Variants in FGF1 observed in about 807,000 individuals in gnomAD.
FGF1 encodes the protein beta-endothelial cell growth factor.
A neutral mutation model predicts 13.4 loss-of-function variants in FGF1; 9 were observed. The ratio of observed to expected loss-of-function variants is 0.67; its 90% confidence interval spans 0.40 to 1.17. The LOEUF is 1.17. Ranked by LOEUF, FGF1 falls within the 50% of genes most tolerant of loss-of-function variation. FGF1 has a pLI of 0.01. For missense variants in FGF1, 156 were observed against 192.7 expected (o/e 0.81, Z 1.13); for synonymous variants, 93 against 79.0 (o/e 1.18, Z -0.94).
chr5:142,676,499 G>A (rs1161353400), intron 1 of FGF1, among the ~76,000 whole-genome samples: 1 of 152,226 alleles, frequency 6.6e-6, no homozygotes, highest in African/African-American at 2.4e-5. Flanking sequence ...GAATCAAAGA[G>A]GTTGTGTAAC....
At chr5:142,645,948 G>A (rs61324948) in intron 1 of FGF1, among the ~76,000 whole-genome samples, 5,234 of 152,022 alleles carry the variant, frequency 0.034, 137 homozygotes, top group East Asian at 0.12. Context: ...TTGCTTTGTC[G>A]CCTAGGCTGA....
In FGF1 at chr5:142,630,680, T is replaced by C. The variant is rs148073660; in HGVS notation, c.-34-16519A>G. Among the ~76,000 whole-genome samples, 493 of 152,222 alleles carry C rather than the reference T, an allele frequency of 3.2e-3. 2 individuals carry two copies. Among genetic ancestry groups the C allele is most frequent in the African/African-American group, 0.011 (476 of 41,552 alleles). On this transcript the variant is annotated intron_variant, in intron 1 of 3. Coordinates refer to ENST00000337706, the MANE Select transcript of FGF1 (RefSeq NM_000800.5). Reference sequence around the variant, plus strand: ...CTTGAGCCCACTATGATCTCCTCCATATGGCTGCCTTCCTACAAATTGGTC... The same window carrying C: ...CTTGAGCCCACTATGATCTCCTCCACATGGCTGCCTTCCTACAAATTGGTC...
intron 1 of FGF1, chr5:142,626,708 C>T (rs1161473012): frequency 1.3e-5 from 2 of 152,256 alleles, no homozygotes; most frequent in East Asian, 1.9e-4. Flanking sequence ...TCAGCACTTT[C>T]CTGATTGTCA....
At chr5:142,606,214 C>G (rs541302111) in intron 2 of FGF1, among the ~76,000 whole-genome samples, 2,641 of 71,064 alleles carry the variant, frequency 0.037, 94 homozygotes, top group African/African-American at 0.13. Context: ...CATTCTTTCT[C>G]TCTCTGTGTG....
chr5:142,658,922 A>G lies in FGF1; in HGVS notation c.-35+27035T>C, dbSNP rs963315200. Among the ~76,000 whole-genome samples the G allele has an allele frequency of 3.3e-5, 5 of 152,242 alleles. No individual in the cohort carries two copies. In the South Asian group the frequency reaches 1.0e-3, roughly 32 times the overall value. ...CCAGTGCCTGGCATGTGGTAGGCTC[A>G]GTAATTGTGAGAAGAAAACCTGGAT... On this transcript the variant is annotated intron_variant, in intron 1 of 3. Coordinates refer to ENST00000337706, the MANE Select transcript of FGF1 (RefSeq NM_000800.5).
chr5:142,635,918 T>C (rs546240569), intron 1 of FGF1, among the ~76,000 whole-genome samples: 1 of 152,370 alleles, frequency 6.6e-6, no homozygotes, highest in African/African-American at 2.4e-5. Flanking sequence ...CCAAATCTAC[T>C]CTTGTTTTAT....
At chr5:142,645,033 G>A (rs1765779271) in intron 1 of FGF1, among the ~76,000 whole-genome samples, 1 of 152,212 alleles carries the variant, frequency 6.6e-6, no homozygotes, top group African/African-American at 2.4e-5. Context: ...CTGAGTGGGA[G>A]GGTGCATTGT....
intron 1 of FGF1, among the ~76,000 whole-genome samples, chr5:142,656,501 T>C (rs1768196718): frequency 6.6e-6 from 1 of 152,220 alleles, no homozygotes; most frequent in Non-Finnish European, 1.5e-5. Flanking sequence ...AACAGCATAC[T>C]TATGTGTAGA....
chr5:142,658,084 G>A (rs1464336326), intron 1 of FGF1, among the ~76,000 whole-genome samples: 1 of 152,186 alleles, frequency 6.6e-6, no homozygotes, highest in Non-Finnish European at 1.5e-5. Flanking sequence ...TGGACGTCTT[G>A]CATTCTCCTT....
At chr5:142,670,038 C>T (rs912788223) in intron 1 of FGF1, among the ~76,000 whole-genome samples, 4 of 152,128 alleles carry the variant, frequency 2.6e-5, no homozygotes, top group Non-Finnish European at 4.4e-5. Flanking sequence ...AAGTGGGTGC[C>T]GGAGCCTCGG....
At chr5:142,660,762 C>T (rs2151998226) in intron 1 of FGF1, among the ~76,000 whole-genome samples, 1 of 152,376 alleles carries the variant, frequency 6.6e-6, no homozygotes, top group East Asian at 1.9e-4. Context: ...CAGTGACAGA[C>T]AGGCATCCCC....
intron 1 of FGF1, among the ~76,000 whole-genome samples, chr5:142,623,399 C>T (rs1030267201): frequency 6.6e-6 from 1 of 151,158 alleles, no homozygotes; most frequent in African/African-American, 2.4e-5. Context: ...GGCTGAAGTG[C>T]AGTGGTGCGA....
At chr5:142,694,721 A>AC (rs1752833338) in intron 2 of FGF1, among the ~76,000 whole-genome samples, 1 of 152,048 alleles carries the variant, frequency 6.6e-6, no homozygotes, top group Non-Finnish European at 1.5e-5. Flanking sequence ...TCTAAAGCCT[A>AC]CCCTCTAGCC....
intron 1 of FGF1, among the ~76,000 whole-genome samples, chr5:142,619,072 C>G (rs1318970856): frequency 6.6e-6 from 1 of 151,534 alleles, no homozygotes; most frequent in Non-Finnish European, 1.5e-5. Context: ...GTAGCTGGGA[C>G]TACAGGCGCC....
intron 1 of FGF1, among the ~76,000 whole-genome samples, chr5:142,645,074 C>T (rs113410911): frequency 1.7e-3 from 209 of 122,616 alleles, no homozygotes; most frequent in African/African-American, 5.4e-3. Context: ...TGAGTAATCC[C>T]CCAGGCAGCT....
intron 1 of FGF1, among the ~76,000 whole-genome samples, chr5:142,667,296 A>G (rs1770577887): frequency 7.3e-6 from 1 of 137,444 alleles, no homozygotes; most frequent in Non-Finnish European, 1.6e-5. Flanking sequence ...GAAAAAAGAG[A>G]AAGAAACAGG....
chr5:142,654,504 G>T (rs1767813262), intron 1 of FGF1, among the ~76,000 whole-genome samples: 1 of 152,228 alleles, frequency 6.6e-6, no homozygotes, highest in African/African-American at 2.4e-5. Context: ...TGGTTATAAA[G>T]CCAAGATAAG....
At chr5:142,659,277 G>A (rs983647160) in intron 1 of FGF1, among the ~76,000 whole-genome samples, 7 of 148,372 alleles carry the variant, frequency 4.7e-5, no homozygotes, top group Non-Finnish European at 8.9e-5. Flanking sequence ...TCGCCAGGCT[G>A]GAGTGCAGTG....
intron 1 of FGF1, among the ~76,000 whole-genome samples, chr5:142,638,856 A>G (rs1020615064): frequency 3.3e-5 from 5 of 152,042 alleles, no homozygotes; most frequent in African/African-American, 1.2e-4. Flanking sequence ...AAAAATGGGT[A>G]AATGACCTGA....
Sources: allele counts gnomAD v4.1 joint callset (sites outside exome capture counted in the v4.1 genomes callset), GRCh38; gene constraint gnomAD v4.1.1; transcripts MANE v1.5; gene names NCBI Gene and HGNC (gene_info 2026-07-23, HGNC 2026-07-21).